Variants in RUNX1 observed in about 807,000 individuals in gnomAD.
The protein encoded by RUNX1 is RUNX family transcription factor 1.
Under a neutral mutation model 42.8 loss-of-function variants are expected in RUNX1, and 19 were observed. The observed-to-expected ratio is 0.44, with a 90% confidence interval of 0.31 to 0.65. The LOEUF (loss-of-function observed/expected upper bound fraction) is 0.65. Ranked by LOEUF, RUNX1 falls within the 30% of genes least tolerant of loss-of-function variation. The pLI is 0.07. For synonymous variants in RUNX1, 271 were observed against 289.4 expected (o/e 0.94, Z 0.64); for missense variants, 528 against 672.0 (o/e 0.79, Z 2.37).
intron 5 of RUNX1, among the ~76,000 whole-genome samples, chr21:34,880,268 AT>A (rs1372323717): frequency 2.0e-5 from 3 of 152,172 alleles, no homozygotes; most frequent in East Asian, 1.9e-4. Flanking sequence ...TCAGTTTTAT[AT>A]TTTTTGCATT....
intron 2 of RUNX1, among the ~76,000 whole-genome samples, chr21:34,970,248 G>A (rs78845091): frequency 6.6e-6 from 1 of 152,338 alleles, no homozygotes; most frequent in East Asian, 1.9e-4. Flanking sequence ...AAGGCTGGGG[G>A]TATGTCAGGA....
chr21:34,884,372 C>G (rs968771139), intron 4 of RUNX1, among the ~76,000 whole-genome samples: 1 of 152,128 alleles, frequency 6.6e-6, no homozygotes, highest in African/African-American at 2.4e-5. Context: ...CTAAGAAGGC[C>G]TTCAGTGATC....
chr21:34,966,745 G>T (rs1292133698), intron 2 of RUNX1, among the ~76,000 whole-genome samples: 1 of 152,150 alleles, frequency 6.6e-6, no homozygotes, highest in Non-Finnish European at 1.5e-5. Flanking sequence ...CACTGAAAAT[G>T]CTATTATGGT....
At chr21:34,986,431 T>C (rs1271496311) in intron 2 of RUNX1, among the ~76,000 whole-genome samples, 3 of 151,126 alleles carry the variant, frequency 2.0e-5, no homozygotes, top group Non-Finnish European at 2.9e-5. Flanking sequence ...GAGCAGGAGA[T>C]ATGTGGCATT....
At chr21:34,845,128 T>C (rs1038714507) in intron 6 of RUNX1, among the ~76,000 whole-genome samples, 18 of 152,324 alleles carry the variant, frequency 1.2e-4, no homozygotes, top group Admixed American at 8.5e-4. Context: ...GTTACCTGAA[T>C]GGGCAAGTGG....
At chr21:34,793,707 T>TC (rs1491159271) in intron 8 of RUNX1, among the ~76,000 whole-genome samples, 2 of 49,508 alleles carry the variant, frequency 4.0e-5, no homozygotes, top group African/African-American at 2.3e-4. Flanking sequence ...ATATTTATTC[T>TC]TTTTTTTTTT....
At chr21:34,977,763 G>A (rs905163999) in intron 2 of RUNX1, among the ~76,000 whole-genome samples, 3 of 152,148 alleles carry the variant, frequency 2.0e-5, no homozygotes, top group South Asian at 2.1e-4. Context: ...GGAGAATGTC[G>A]CTGGAGAGGC....
At chr21:34,842,211 G>A (rs1302922721) in intron 6 of RUNX1, among the ~76,000 whole-genome samples, 1 of 152,172 alleles carries the variant, frequency 6.6e-6, no homozygotes, top group Non-Finnish European at 1.5e-5. Context: ...CTCATTAGAA[G>A]TTGAATCAGT....
intron 2 of RUNX1, among the ~76,000 whole-genome samples, chr21:34,965,188 A>G (rs1194977052): frequency 2.5e-5 from 2 of 80,710 alleles, no homozygotes; most frequent in Non-Finnish European, 5.3e-5. Context: ...ACATACTCAT[A>G]TGCTCCCGCA....
chr21:34,879,244 T>C (rs1007909597), intron 5 of RUNX1, among the ~76,000 whole-genome samples: 5 of 152,264 alleles, frequency 3.3e-5, no homozygotes, highest in Non-Finnish European at 7.3e-5. Context: ...CTTATGCTTT[T>C]ATATCTTATA....
At chr21:34,887,849 G>T (rs1200140132) in intron 3 of RUNX1, 2 of 1,064,970 alleles carry the variant, frequency 1.9e-6, no homozygotes, top group Non-Finnish European at 2.3e-6. Flanking sequence ...TGCTGAGCTA[G>T]AAGTACTTGT....
chr21:34,792,000 CG>C lies in RUNX1; in HGVS notation c.*134del. On this transcript the variant is annotated 3_prime_UTR_variant, in exon 9 of 9. Transcript: ENST00000675419. ...TGACCTACAGCGAGATCCTGGCCGTCGGGCGCCCTCGGCCCCAGGACGGTGG... is the reference window on the plus strand; with the variant it reads ...TGACCTACAGCGAGATCCTGGCCGTCGGCGCCCTCGGCCCCAGGACGGTGG... The C allele has an allele frequency of 3.9e-6, 2 of 508,558 alleles. No homozygotes were observed. Among genetic ancestry groups the C allele is most frequent in the Non-Finnish European group, 6.6e-6 (2 of 301,386 alleles). 31.5% of individuals were successfully genotyped at this position (508,558 alleles called of 1,614,324 possible). A position where few individuals can be genotyped will look rare whatever the true frequency, so the allele number is the denominator to read the frequency against.
At chr21:34,990,294 G>C (rs934044435) in intron 2 of RUNX1, among the ~76,000 whole-genome samples, 1 of 152,220 alleles carries the variant, frequency 6.6e-6, no homozygotes, top group African/African-American at 2.4e-5. Context: ...TGTGATGCAA[G>C]TAGGGTCTGG....
chr21:34,874,702 G>C (rs937511713), intron 5 of RUNX1, among the ~76,000 whole-genome samples: 2 of 127,930 alleles, frequency 1.6e-5, no homozygotes, highest in African/African-American at 3.0e-5. Context: ...AAAAAAACCA[G>C]AAACACAGAA....
In RUNX1 at chr21:34,918,870, C is replaced by T. The variant is rs796755629; in HGVS notation, c.59-25907G>A. ...GCAGTGAGCTGAGATCATGCCACTG[C>T]ACTCTAGCCTGGTGACAGAGTGAGA... On this transcript the variant is annotated intron_variant, in intron 2 of 8. Coordinates refer to ENST00000675419, the MANE Select transcript of RUNX1 (RefSeq NM_001754.5). Among the ~76,000 whole-genome samples the T allele has an allele frequency of 5.3e-5, 8 of 152,292 alleles. No homozygotes were observed. The East Asian group carries it at 7.7e-4, about 15-fold the overall frequency.
intron 5 of RUNX1, among the ~76,000 whole-genome samples, chr21:34,863,486 TAATC>T (rs1010615785): frequency 3.9e-5 from 6 of 151,934 alleles, no homozygotes; most frequent in African/African-American, 1.5e-4. Context: ...GAGTAAAACT[TAATC>T]AAAGTGATAA....
Position 34,843,049 on chromosome 21 carries a change from G to A in RUNX1, c.614-8448C>T, listed in dbSNP as rs1020627837. ...CATGCCAGTGCACTCCAGCCTGAGCGACAGAGCGAGACTCTGTCTCAAAAA... is the reference window on the plus strand; with the variant it reads ...CATGCCAGTGCACTCCAGCCTGAGCAACAGAGCGAGACTCTGTCTCAAAAA... On this transcript the variant is annotated intron_variant, in intron 6 of 8. Coordinates refer to ENST00000675419, the MANE Select transcript of RUNX1 (RefSeq NM_001754.5). The surrounding 1 kb of genome is among the most constrained non-coding windows in gnomAD (Gnocchi z 4.8). 6.6e-6 allele frequency among the ~76,000 whole-genome samples: 1 copy of A among 152,072 alleles called. No homozygotes were observed. Among genetic ancestry groups the A allele is most frequent in the African/African-American group, 2.4e-5 (1 of 41,388 alleles).
At chr21:35,029,833 C>T (rs1394726934) in intron 2 of RUNX1, among the ~76,000 whole-genome samples, 1 of 152,198 alleles carries the variant, frequency 6.6e-6, no homozygotes, top group East Asian at 1.9e-4. Context: ...GTCCTACAAC[C>T]ACGATCCTGG....
chr21:34,877,169 A>G (rs933372268), intron 5 of RUNX1, among the ~76,000 whole-genome samples: 1 of 152,144 alleles, frequency 6.6e-6, no homozygotes, highest in African/African-American at 2.4e-5. Flanking sequence ...ACCAATTGCT[A>G]AAATTTCTTA....
Sources: allele counts gnomAD v4.1 joint callset (sites outside exome capture counted in the v4.1 genomes callset), GRCh38; gene constraint gnomAD v4.1.1; non-coding constraint Gnocchi (gnomAD v3.1); transcripts MANE v1.5; gene names NCBI Gene and HGNC (gene_info 2026-07-23, HGNC 2026-07-21).